Variants in PPP1R7 observed in about 807,000 individuals in gnomAD.
The protein encoded by PPP1R7 is protein phosphatase 1 regulatory subunit 7.
PPP1R7 carries 18 observed loss-of-function variants against 45.2 expected under a neutral mutation model. The observed-to-expected ratio is 0.40, with a 90% CI of 0.28 to 0.59. PPP1R7 has a LOEUF of 0.59. Ranked by LOEUF, PPP1R7 falls within the 20% of genes least tolerant of loss-of-function variation. PPP1R7 has a pLI of 0.46. For missense variants in PPP1R7, 314 were observed against 455.8 expected (o/e 0.69, Z 2.83); for synonymous variants, 181 against 183.4 (o/e 0.99, Z 0.11).
intron 9 of PPP1R7, among the ~76,000 whole-genome samples, chr2:241,177,702 C>G (rs1410213256): frequency 1.3e-5 from 2 of 152,194 alleles, no homozygotes; most frequent in Non-Finnish European, 2.9e-5. Flanking sequence ...AGCTGACATC[C>G]AGGGCCTGGA....
rs551824178 is a variant in PPP1R7, at chr2:241,165,755, G to A, written c.715-582G>A. On this transcript the variant is annotated intron_variant, in intron 7 of 9. Transcript: ENST00000234038. ...ACTACAGGCACCCGCCACCACGCCC[G>A]GCTAATTTTTTTTGTATTTTTTTCG... Among the ~76,000 whole-genome samples the A allele has an allele frequency of 1.1e-4, 17 of 151,836 alleles. No homozygotes were observed. The East Asian group carries it at 2.5e-3, about 23-fold the overall frequency.
chr2:241,162,515 G>T (rs576623768), intron 6 of PPP1R7, among the ~76,000 whole-genome samples: 1 of 152,122 alleles, frequency 6.6e-6, no homozygotes, highest in Non-Finnish European at 1.5e-5. Context: ...AGGAGCACAC[G>T]ATCACAGCAA....
chr2:241,160,735 A>T (rs2067569353), intron 6 of PPP1R7, among the ~76,000 whole-genome samples: 1 of 152,270 alleles, frequency 6.6e-6, no homozygotes, highest in African/African-American at 2.4e-5. Context: ...CTCTTCATCC[A>T]GATCATGACC....
At chr2:241,168,535 T>C (rs767216037) in intron 8 of PPP1R7, among the ~76,000 whole-genome samples, 3 of 152,220 alleles carry the variant, frequency 2.0e-5, no homozygotes, top group Non-Finnish European at 4.4e-5. Context: ...AACATTTTCC[T>C]GCAGTCCTTT....
At chr2:241,168,835 G>C (rs545702555) in intron 8 of PPP1R7, among the ~76,000 whole-genome samples, 24 of 152,316 alleles carry the variant, frequency 1.6e-4, no homozygotes, top group African/African-American at 5.8e-4. Flanking sequence ...AGGGGAGATG[G>C]GGGGAGGAGT....
rs1007274366 is a variant in PPP1R7, at chr2:241,158,327, G to GCC, written c.238-153_238-152dup. 11 of 660,862 alleles carry GCC rather than the reference G, an allele frequency of 1.7e-5. No homozygotes were observed. In the Admixed American group the frequency reaches 2.4e-4, roughly 15 times the overall value. The allele number at this position is 660,862 out of a possible 1,614,324, so 40.9% of individuals were successfully genotyped here. ...AACTTAGTCATCACTAAGCCAAAGA[G>GCC]CCCCCGCAGCACACCTTGTCACTGA... On this transcript the variant is annotated intron_variant, in intron 3 of 9. Coordinates refer to ENST00000234038, the MANE Select transcript of PPP1R7 (RefSeq NM_002712.3).
chr2:241,165,165 CTTTTT>C (rs200554228), intron 7 of PPP1R7, among the ~76,000 whole-genome samples: 3 of 151,508 alleles, frequency 2.0e-5, no homozygotes, highest in Admixed American at 6.6e-5. Context: ...ACAATGAGTT[CTTTTT>C]TTTGGTTTTT....
chr2:241,153,045 G>GT lies in PPP1R7; in HGVS notation c.53-427dup, dbSNP rs113136849. Among the ~76,000 whole-genome samples the GT allele has an allele frequency of 7.7e-3, 1,170 of 152,294 alleles. 16 individuals carry two copies. Among genetic ancestry groups the GT allele is most frequent in the African/African-American group, 0.026 (1,082 of 41,538 alleles). On this transcript the variant is annotated intron_variant, in intron 1 of 9. Coordinates refer to ENST00000234038, the MANE Select transcript of PPP1R7 (RefSeq NM_002712.3). Reference sequence around the variant, plus strand: ...GAACGTGGGCCTGTGAACTTGGCTGGTTTTCTTAGCCAGATAAATAGTGGA... The same window carrying GT: ...GAACGTGGGCCTGTGAACTTGGCTGGTTTTTCTTAGCCAGATAAATAGTGGA...
At chr2:241,171,435 TA>T (rs2067815015) in intron 9 of PPP1R7, among the ~76,000 whole-genome samples, 1 of 152,202 alleles carries the variant, frequency 6.6e-6, no homozygotes, top group Non-Finnish European at 1.5e-5. Flanking sequence ...ATTTTACAGG[TA>T]AAGAATTGCA....
upstream of PPP1R7, chr2:241,150,303 T>G (rs868692776): frequency 2.6e-4 from 344 of 1,320,882 alleles, 2 homozygotes; most frequent in Middle Eastern, 2.3e-3. Flanking sequence ...TGAAATTACC[T>G]GCTCTGGGGG....
At chr2:241,168,448 G>A (rs145882528) in intron 8 of PPP1R7, among the ~76,000 whole-genome samples, 9 of 152,170 alleles carry the variant, frequency 5.9e-5, no homozygotes, top group Non-Finnish European at 1.3e-4. Context: ...GAGAGCTGCC[G>A]TCCGTGCTAG....
At position 241,166,472 on chromosome 2, in the gene PPP1R7, G is replaced by A. The variant is rs776503468; in HGVS notation, c.819+31G>A. ...ACACCCACTGTCTGTCTGGGGCTGT[G>A]TGGGCGGTGGGCACCAGGCGGGCAG... On this transcript the variant is annotated intron_variant, in intron 8 of 9. Coordinates refer to ENST00000234038, the MANE Select transcript of PPP1R7 (RefSeq NM_002712.3). 6 of 1,596,702 alleles carry A rather than the reference G, an allele frequency of 3.8e-6. No individual in the cohort carries two copies. In the South Asian group the frequency reaches 6.7e-5, roughly 18 times the overall value.
chr2:241,158,448 T>G (rs371710790), intron 3 of PPP1R7, 36 bp from the exon 4 acceptor site: 1 of 1,607,466 alleles, frequency 6.2e-7, no homozygotes, highest in African/African-American at 1.3e-5. Context: ...CCAGCCACTT[T>G]GCTATAGCTG....
chr2:241,156,689 T>A (rs978348068), intron 2 of PPP1R7, among the ~76,000 whole-genome samples: 1 of 152,136 alleles, frequency 6.6e-6, no homozygotes, highest in Non-Finnish European at 1.5e-5. Flanking sequence ...AAAAAATTAA[T>A]TTAAAAAAGT....
At chr2:241,180,489 G>A (rs2067983995) in intron 9 of PPP1R7, among the ~76,000 whole-genome samples, 1 of 151,770 alleles carries the variant, frequency 6.6e-6, no homozygotes, top group African/African-American at 2.4e-5. Flanking sequence ...GCCATCCTAG[G>A]CCATTTACAG....
At chr2:241,158,582 C>A in intron 4 of PPP1R7, 33 bp downstream of exon 4, 1 of 1,586,226 alleles carries the variant, frequency 6.3e-7, no homozygotes, top group Non-Finnish European at 8.7e-7. Context: ...GACTATGACG[C>A]TCACCCATAG....
Position 241,153,608 on chromosome 2 carries a change from C to T in PPP1R7, c.181+4C>T. 6.2e-7 allele frequency: 1 copy of T among 1,613,472 alleles called. No individual in the cohort carries two copies. The highest frequency in any genetic ancestry group is 8.5e-7 in the Non-Finnish European group (1 of 1,179,814). ...CGGGGGGAGGAGGACCCAGAAGGTA[C>T]CAGGCCCAGCTCCCTTGGGGACATC... On this transcript the variant is annotated splice_donor_region_variant and intron_variant, in intron 2 of 9. Transcript: ENST00000234038.
rs2149075646 is a variant in PPP1R7, at chr2:241,183,099, C to T, written c.*276C>T. 4.3e-6 allele frequency: 2 copies of T among 469,610 alleles called. No homozygotes were observed. The highest frequency in any genetic ancestry group is 2.2e-5 in the South Asian group (1 of 46,080). 29.1% of individuals were successfully genotyped at this position (469,610 alleles called of 1,614,324 possible). On this transcript the variant is annotated 3_prime_UTR_variant, in exon 10 of 10. Transcript: ENST00000234038. ...CACGTTGCGTTCATTCGCTAGAAAT[C>T]CCTGTTTCCTTCTCTCAGAAGGCAG... is the stretch of plus-strand genomic sequence containing the variant.
rs1332749595 is a variant in PPP1R7 at position 241,178,571 on chromosome 2, C to T, written c.907-4076C>T. ...TCCTGGGTTCACACCATTCTCCTGC[C>T]TCAACCTCCCGAGTAGCTAGGACTA... On this transcript the variant is annotated intron_variant, in intron 9 of 9. Coordinates refer to ENST00000234038, the MANE Select transcript of PPP1R7 (RefSeq NM_002712.3). Among the ~76,000 whole-genome samples the T allele has an allele frequency of 4.3e-5, 6 of 140,440 alleles. No individual in the cohort carries two copies. The East Asian group carries it at 1.3e-3, about 30-fold the overall frequency. The allele number at this position is 140,440 out of a possible 152,430, so 92.1% of individuals were successfully genotyped here.
Sources: allele counts gnomAD v4.1 joint callset (sites outside exome capture counted in the v4.1 genomes callset), GRCh38; gene constraint gnomAD v4.1.1; transcripts MANE v1.5; gene names NCBI Gene and HGNC (gene_info 2026-07-23, HGNC 2026-07-21).